The following MCPH1 variants were observed in gnomAD, a reference collection of about 807,000 sequenced individuals.
MCPH1 encodes microcephalin.
In MCPH1, 104 loss-of-function variants were observed where a neutral mutation model predicts 84.5. The ratio of observed to expected loss-of-function variants is 1.23; its 90% confidence interval spans 1.05 to 1.45. The LOEUF is 1.45. MCPH1 is among the 40% of genes most tolerant of loss of function. MCPH1 has a pLI of 0.00. For synonymous variants in MCPH1, 514 were observed against 366.8 expected (o/e 1.40, Z -4.58); for missense variants, 1,498 against 1,005.7 (o/e 1.49, Z -6.62).
At chr8:6,556,648 T>C (rs547904741) in intron 12 of MCPH1, among the ~76,000 whole-genome samples, 11 of 152,216 alleles carry the variant, frequency 7.2e-5, no homozygotes, top group African/African-American at 2.6e-4. Context: ...GGGTCTCACT[T>C]TGTTGCCCAG....
chr8:6,441,281 A>G (rs1018829348), intron 6 of MCPH1, among the ~76,000 whole-genome samples: 1 of 152,154 alleles, frequency 6.6e-6, no homozygotes, highest in African/African-American at 2.4e-5. Context: ...TTTGCCTTAA[A>G]CTTTACTTTT....
At chr8:6,608,345 C>A (rs1284191856) in intron 12 of MCPH1, among the ~76,000 whole-genome samples, 1 of 152,194 alleles carries the variant, frequency 6.6e-6, no homozygotes, top group African/African-American at 2.4e-5. Context: ...AGGAGAAATG[C>A]GTTGAGAATT....
chr8:6,417,544 C>A (rs1799493388), intron 3 of MCPH1, among the ~76,000 whole-genome samples: 1 of 151,878 alleles, frequency 6.6e-6, no homozygotes, highest in Non-Finnish European at 1.5e-5. Context: ...TCAGATTGAT[C>A]TTTTTTCAAG....
At chr8:6,605,100 C>T (rs923522426) in intron 12 of MCPH1, among the ~76,000 whole-genome samples, 7 of 152,188 alleles carry the variant, frequency 4.6e-5, no homozygotes, top group Admixed American at 2.0e-4. Context: ...TCTCAGTGGT[C>T]CTGGTCCCAC....
rs142990253 is a variant in MCPH1, at chr8:6,417,159, T to C, written c.233+2276T>C. Among the ~76,000 whole-genome samples, 675 of 152,374 alleles carry C rather than the reference T, an allele frequency of 4.4e-3. 5 individuals carry two copies. The highest frequency in any genetic ancestry group is 0.015 in the African/African-American group (632 of 41,586). On this transcript the variant is annotated intron_variant, in intron 3 of 13. Coordinates refer to ENST00000344683, the MANE Select transcript of MCPH1 (RefSeq NM_024596.5). Reference sequence around the variant, plus strand: ...TGTGTTTCTACATATGATTCGTTTTTGGCCATTATTTCTTCATCTATCTTT... The same window carrying C: ...TGTGTTTCTACATATGATTCGTTTTCGGCCATTATTTCTTCATCTATCTTT...
rs567507671 is a variant in MCPH1, at chr8:6,637,492, T to G, written c.2453-5502T>G. Reference sequence around the variant, plus strand: ...GGAGAGAAGACAAAGCAATAGGAAATGAAGCTGGAGAAGCAGGCAGCTTCA... The same window carrying G: ...GGAGAGAAGACAAAGCAATAGGAAAGGAAGCTGGAGAAGCAGGCAGCTTCA... On this transcript the variant is annotated intron_variant, in intron 13 of 13. Transcript: ENST00000344683. Among the ~76,000 whole-genome samples the G allele has an allele frequency of 3.3e-5, 5 of 152,134 alleles. No individual in the cohort carries two copies. The South Asian group carries it at 1.0e-3, about 32-fold the overall frequency.
intron 9 of MCPH1, among the ~76,000 whole-genome samples, chr8:6,462,106 G>C (rs1291263548): frequency 1.3e-5 from 2 of 152,212 alleles, no homozygotes; most frequent in African/African-American, 4.8e-5. Flanking sequence ...GCTTTCCTAA[G>C]CCTGGAGGCC....
chr8:6,616,486 A>T (rs1279058874), intron 12 of MCPH1: 1 of 152,230 alleles, frequency 6.6e-6, no homozygotes, highest in African/African-American at 2.4e-5. Flanking sequence ...TGTGAGCTAA[A>T]ACCCATTAAA....
At chr8:6,455,373 A>G in intron 9 of MCPH1, 121 bp downstream of exon 9, 1 of 738,158 alleles carries the variant, frequency 1.4e-6, no homozygotes, top group South Asian at 1.6e-5. Context: ...AAAATTGATT[A>G]TGGGTAAATG....
At chr8:6,537,009 C>A (rs1308709455) in intron 12 of MCPH1, among the ~76,000 whole-genome samples, 1 of 150,878 alleles carries the variant, frequency 6.6e-6, no homozygotes, top group Non-Finnish European at 1.5e-5. Flanking sequence ...GTAAATAAGC[C>A]ATCCTCCACT....
At chr8:6,562,663 G>A in intron 12 of MCPH1, 1 of 1,554,326 alleles carries the variant, frequency 6.4e-7, no homozygotes, top group Non-Finnish European at 8.8e-7. Context: ...TAGCCACTGA[G>A]TGTTGTTTTC....
chr8:6,609,828 C>CCCCCCCA (rs1475345162), intron 12 of MCPH1, among the ~76,000 whole-genome samples: 2,371 of 105,868 alleles, frequency 0.022, 83 homozygotes, highest in South Asian at 0.044. Context: ...CGCCCCCCCC[C>CCCCCCCA]CACACACAGA....
intron 12 of MCPH1, among the ~76,000 whole-genome samples, chr8:6,530,545 C>A (rs1819294198): frequency 8.2e-6 from 1 of 122,608 alleles, no homozygotes; most frequent in South Asian, 2.5e-4. Context: ...ATGGCAAAAT[C>A]TGCAGTTACT....
At chr8:6,488,626 C>T (rs1428707503) in intron 11 of MCPH1, among the ~76,000 whole-genome samples, 1 of 152,150 alleles carries the variant, frequency 6.6e-6, no homozygotes, top group Non-Finnish European at 1.5e-5. Flanking sequence ...CCTAAGGCTG[C>T]ACCTTTGCAA....
chr8:6,617,278 T>TTG (rs1563195769), intron 12 of MCPH1: 1 of 93,086 alleles, frequency 1.1e-5, no homozygotes, highest in Non-Finnish European at 1.8e-5. Flanking sequence ...GTTTTTTTTG[T>TTG]TTTTTTTTTT....
chr8:6,488,888 G>A (rs1402301355), intron 11 of MCPH1, among the ~76,000 whole-genome samples: 2 of 152,078 alleles, frequency 1.3e-5, no homozygotes, highest in African/African-American at 4.8e-5. Flanking sequence ...GTCTAGAGGG[G>A]GGGTTGATAG....
chr8:6,526,986 A>G (rs1007508752), intron 12 of MCPH1, among the ~76,000 whole-genome samples: 1 of 152,214 alleles, frequency 6.6e-6, no homozygotes, highest in African/African-American at 2.4e-5. Context: ...TTTGAAGAGG[A>G]AACATTGGAT....
chr8:6,568,136 G>T (rs558293849), intron 12 of MCPH1, among the ~76,000 whole-genome samples: 1 of 152,170 alleles, frequency 6.6e-6, no homozygotes, highest in African/African-American at 2.4e-5. Context: ...AAAGAATCTC[G>T]TGGCCAGCCC....
intron 10 of MCPH1, among the ~76,000 whole-genome samples, 171 bp downstream of exon 10, chr8:6,477,802 G>C (rs992958836): frequency 1.3e-5 from 2 of 152,212 alleles, no homozygotes; most frequent in Non-Finnish European, 2.9e-5. Context: ...TACCAAATGT[G>C]AGCGACTTAG....
Sources: gnomAD v4.1 joint callset for allele counts (sites outside exome capture counted in the v4.1 genomes callset) on GRCh38, gnomAD v4.1.1 for gene constraint, MANE v1.5 for transcripts, NCBI Gene and HGNC (gene_info 2026-07-23, HGNC 2026-07-21) for gene names.